The following POU6F2 variants were observed in gnomAD, a reference collection of about 807,000 sequenced individuals.
The protein encoded by POU6F2 is POU class 6 homeobox 2.
Under a neutral mutation model 71.3 loss-of-function variants are expected in POU6F2, and 31 were observed. That is an observed-to-expected ratio of 0.43 (90% CI 0.33 to 0.59). The LOEUF is 0.59. Ranked by LOEUF, POU6F2 falls within the 20% of genes least tolerant of loss-of-function variation. The pLI, the probability that POU6F2 is intolerant of heterozygous loss-of-function variation, is 0.04. For synonymous variants in POU6F2, 347 were observed against 355.7 expected (o/e 0.98, Z 0.27); for missense variants, 783 against 856.8 (o/e 0.91, Z 1.07).
rs1469983789 is a variant in POU6F2 at position 39,165,906 on chromosome 7, G to A, written c.278-38329G>A. 3.9e-5 allele frequency among the ~76,000 whole-genome samples: 6 copies of A among 152,212 alleles called. No individual in the cohort carries two copies. In the East Asian group the frequency reaches 1.2e-3, roughly 29 times the overall value. On this transcript the variant is annotated intron_variant, in intron 2 of 9. Transcript: ENST00000518318. The stretch of plus-strand genomic sequence containing the variant: ...TCAGTCCCAAACTTTCCAAATCCAT[G>A]TAGTACATTGCAGCTCCTAGGTGAT...
At chr7:39,281,847 G>C (rs976960070) in intron 4 of POU6F2, among the ~76,000 whole-genome samples, 2 of 152,142 alleles carry the variant, frequency 1.3e-5, no homozygotes, top group Non-Finnish European at 2.9e-5. Context: ...TCATATGGTA[G>C]TGCTATTTTT....
chr7:39,393,435 T>C (rs1187439561), intron 5 of POU6F2, among the ~76,000 whole-genome samples: 2 of 152,174 alleles, frequency 1.3e-5, no homozygotes, highest in African/African-American at 4.8e-5. Context: ...CTGGGCTCTT[T>C]ACAATGAAGA....
intron 5 of POU6F2, among the ~76,000 whole-genome samples, chr7:39,392,142 A>T (rs1787086351): frequency 6.6e-6 from 1 of 152,222 alleles, no homozygotes; most frequent in Non-Finnish European, 1.5e-5. Context: ...TAGGAGCAGG[A>T]CTCAAAAAAT....
intron 1 of POU6F2, among the ~76,000 whole-genome samples, chr7:39,014,439 G>A (rs1191000420): frequency 6.6e-6 from 1 of 152,156 alleles, no homozygotes; most frequent in Non-Finnish European, 1.5e-5. Context: ...TTACAGAAAT[G>A]ATAACATGTT....
Position 39,128,282 on chromosome 7 carries a change from A to G in POU6F2, c.277+42251A>G, listed in dbSNP as rs897612905. ...TTTCCCTTTTAACTACATCATTTCT[A>G]TAAGATTAAATTCAATATTCAATTC... On this transcript the variant is annotated intron_variant, in intron 2 of 9. Coordinates refer to ENST00000518318, the MANE Select transcript of POU6F2 (RefSeq NM_001370959.1). Among the ~76,000 whole-genome samples, 3 of 152,328 alleles carry G rather than the reference A, an allele frequency of 2.0e-5. No individual in the cohort carries two copies. The East Asian group carries it at 5.8e-4, about 29-fold the overall frequency.
At chr7:39,331,362 C>T (rs1785644740) in intron 4 of POU6F2, among the ~76,000 whole-genome samples, 1 of 152,204 alleles carries the variant, frequency 6.6e-6, no homozygotes, top group Non-Finnish European at 1.5e-5. Flanking sequence ...CTGTTTTCCA[C>T]AAAGGCTGTC....
At chr7:39,279,891 C>T (rs562300519) in intron 4 of POU6F2, among the ~76,000 whole-genome samples, 3 of 152,198 alleles carry the variant, frequency 2.0e-5, no homozygotes, top group East Asian at 1.9e-4. Flanking sequence ...GGATTACAGG[C>T]GCCTGCCACT....
At chr7:39,148,159 A>T (rs1305590026) in intron 2 of POU6F2, among the ~76,000 whole-genome samples, 3 of 152,182 alleles carry the variant, frequency 2.0e-5, no homozygotes, top group Non-Finnish European at 4.4e-5. Context: ...AGGAATTTTC[A>T]TCTTACCTAG....
At chr7:39,278,121 G>GAGGA (rs1449619046) in intron 4 of POU6F2, among the ~76,000 whole-genome samples, 22 of 112,660 alleles carry the variant, frequency 2.0e-4, no homozygotes, top group Non-Finnish European at 3.9e-4. Context: ...GGGAGGGAGG[G>GAGGA]AGGAAGGAAT....
intron 4 of POU6F2, among the ~76,000 whole-genome samples, chr7:39,324,503 G>A (rs900614918): frequency 1.3e-5 from 2 of 152,200 alleles, no homozygotes; most frequent in South Asian, 4.1e-4. Context: ...ACAATGAGCT[G>A]AGCCCCCTGA....
At chr7:39,331,115 C>G (rs530588143) in intron 4 of POU6F2, among the ~76,000 whole-genome samples, 3 of 152,204 alleles carry the variant, frequency 2.0e-5, no homozygotes, top group Non-Finnish European at 4.4e-5. Context: ...GAATTTCATT[C>G]ATTTTATGGC....
chr7:39,216,812 G>A (rs1458870703), intron 4 of POU6F2, among the ~76,000 whole-genome samples: 2 of 152,078 alleles, frequency 1.3e-5, no homozygotes, highest in Non-Finnish European at 2.9e-5. Context: ...GGGAGACTCA[G>A]GTTCCCCATT....
chr7:38,981,201 G>A (rs966062806), intron 1 of POU6F2, among the ~76,000 whole-genome samples: 5 of 152,146 alleles, frequency 3.3e-5, no homozygotes, highest in East Asian at 1.9e-4. Flanking sequence ...GTTTCTGATC[G>A]TTGGTTTGAT....
intron 2 of POU6F2, among the ~76,000 whole-genome samples, chr7:39,134,324 C>A (rs1174739088): frequency 6.6e-6 from 1 of 152,112 alleles, no homozygotes; most frequent in Non-Finnish European, 1.5e-5. Context: ...CTAGTTGTGC[C>A]CTGCCCTCAG....
intron 1 of POU6F2, among the ~76,000 whole-genome samples, chr7:39,007,899 G>A (rs1789130946): frequency 6.6e-6 from 1 of 151,456 alleles, no homozygotes; most frequent in Non-Finnish European, 1.5e-5. Flanking sequence ...GTGTATATGT[G>A]CCACATTTTC....
intron 7 of POU6F2, among the ~76,000 whole-genome samples, chr7:39,449,529 C>G (rs1220612060): frequency 6.6e-6 from 1 of 152,112 alleles, no homozygotes; most frequent in East Asian, 1.9e-4. Context: ...CTTTGGAAAT[C>G]AGTTTGAGAG....
intron 6 of POU6F2, among the ~76,000 whole-genome samples, chr7:39,420,339 C>T (rs1787824217): frequency 6.6e-6 from 1 of 152,144 alleles, no homozygotes; most frequent in Non-Finnish European, 1.5e-5. Flanking sequence ...TAAATGAACA[C>T]AAAAGGAAAT....
intron 4 of POU6F2, among the ~76,000 whole-genome samples, chr7:39,298,374 A>T (rs1784890723): frequency 6.6e-6 from 1 of 152,244 alleles, no homozygotes; most frequent in Admixed American, 6.5e-5. Context: ...CACTTCTCAA[A>T]AGAAGACATT....
chr7:39,181,217 G>C (rs910452470), intron 2 of POU6F2, among the ~76,000 whole-genome samples: 4 of 84,196 alleles, frequency 4.8e-5, no homozygotes, highest in Non-Finnish European at 1.1e-4. Flanking sequence ...TCCCCCAGAT[G>C]CCACTAACAC....
Sources: gnomAD v4.1 joint callset for allele counts (sites outside exome capture counted in the v4.1 genomes callset) on GRCh38, gnomAD v4.1.1 for gene constraint, MANE v1.5 for transcripts, NCBI Gene and HGNC (gene_info 2026-07-23, HGNC 2026-07-21) for gene names.